KIAA0040: variants seen among roughly 807,000 people sequenced by gnomAD.
KIAA0040 encodes the protein uncharacterized protein KIAA0040.
KIAA0040 carries 10 observed loss-of-function variants against 7.2 expected under a neutral mutation model. The ratio of observed to expected loss-of-function variants is 1.38; its 90% CI spans 0.85 to 2.34. KIAA0040 has a LOEUF of 2.34. Ranked by LOEUF, KIAA0040 falls within the 30% of genes most tolerant of loss-of-function variation. The probability of loss-of-function intolerance (pLI) is 0.00; values close to 1 mark genes in which losing one functional copy is unlikely to be tolerated. For synonymous variants in KIAA0040, 49 were observed against 40.1 expected, an observed-to-expected ratio of 1.22 and a Z score of -0.84; for missense variants, 89 against 108.2, an observed-to-expected ratio of 0.82 and a Z score of 0.79.
chr1:175,177,043 A>G (rs942483586), intron 2 of KIAA0040, among the ~76,000 whole-genome samples: 2 of 152,116 alleles, frequency 1.3e-5, no homozygotes, highest in Non-Finnish European at 2.9e-5. Flanking sequence ...CCATGCCTGG[A>G]GACCTCAAGG....
At chr1:175,168,715 T>C (rs542003194) in intron 2 of KIAA0040, among the ~76,000 whole-genome samples, 4 of 152,298 alleles carry the variant, frequency 2.6e-5, no homozygotes, top group African/African-American at 9.6e-5. Context: ...CCAGAACCAA[T>C]GTCTTCTGAG....
At chr1:175,161,649 G>A (rs1419227486) in intron 3 of KIAA0040, among the ~76,000 whole-genome samples, 1 of 152,178 alleles carries the variant, frequency 6.6e-6, no homozygotes, top group African/African-American at 2.4e-5. Context: ...CTTGCTGTCT[G>A]TAGTAGGGAA....
chr1:175,182,258 T>C (rs1439362173), intron 1 of KIAA0040, among the ~76,000 whole-genome samples: 2 of 152,214 alleles, frequency 1.3e-5, no homozygotes, highest in Non-Finnish European at 2.9e-5. Flanking sequence ...AACTTGAGTG[T>C]ATAGTGAATT....
At chr1:175,172,308 C>T (rs1677023926) in intron 2 of KIAA0040, among the ~76,000 whole-genome samples, 1 of 152,188 alleles carries the variant, frequency 6.6e-6, no homozygotes, top group Non-Finnish European at 1.5e-5. Context: ...TATTTACCTC[C>T]TCAAGGTCAA....
chr1:175,166,913 G>A (rs571069780), intron 2 of KIAA0040, among the ~76,000 whole-genome samples, 176 bp from the exon 3 acceptor site: 27 of 152,262 alleles, frequency 1.8e-4, no homozygotes, highest in Middle Eastern at 3.4e-3. Context: ...AGCAGGCATC[G>A]TGCAGTGACT....
intron 3 of KIAA0040, among the ~76,000 whole-genome samples, chr1:175,165,872 C>T (rs915851089): frequency 2.0e-5 from 3 of 151,614 alleles, no homozygotes; most frequent in African/African-American, 7.3e-5. Flanking sequence ...GGGAGCAGGG[C>T]GTTCTATTCT....
At chr1:175,187,913 A>C (rs1276820175) in intron 1 of KIAA0040, among the ~76,000 whole-genome samples, 1 of 152,214 alleles carries the variant, frequency 6.6e-6, no homozygotes, top group Non-Finnish European at 1.5e-5. Context: ...TAAAAAAAAA[A>C]TGCTGATGGG....
At chr1:175,167,968 C>A (rs1281677759) in intron 2 of KIAA0040, among the ~76,000 whole-genome samples, 1 of 151,702 alleles carries the variant, frequency 6.6e-6, no homozygotes, top group African/African-American at 2.4e-5. Context: ...GGGGTTAAAA[C>A]ACCTTATTCA....
At chr1:175,181,834 C>T (rs1419813884) in intron 1 of KIAA0040, among the ~76,000 whole-genome samples, 1 of 152,208 alleles carries the variant, frequency 6.6e-6, no homozygotes, top group Non-Finnish European at 1.5e-5. Context: ...AAAGGTGATT[C>T]CAGGCTGCTC....
At chr1:175,162,679 A>G (rs1042542864) in intron 3 of KIAA0040, among the ~76,000 whole-genome samples, 2 of 152,096 alleles carry the variant, frequency 1.3e-5, no homozygotes, top group Admixed American at 1.3e-4. Context: ...TGCCCCAGCA[A>G]TTGTCCTCAG....
In KIAA0040 at chr1:175,170,227, G is replaced by A. The variant is rs143595373; in HGVS notation, c.-309-3490C>T. 3.0e-3 allele frequency among the ~76,000 whole-genome samples: 461 copies of A among 152,276 alleles called. 6 individuals are homozygous for A. The highest frequency in any genetic ancestry group is 0.011 in the African/African-American group (443 of 41,534). On this transcript the variant is annotated intron_variant, in intron 2 of 3. Transcript: ENST00000423313. ...GAGGGCAGCCAAGTGTGGCTGGACCGTGGTGAGCATCGTAAGTAAAGCAGG... is the reference window on the plus strand; with the variant it reads ...GAGGGCAGCCAAGTGTGGCTGGACCATGGTGAGCATCGTAAGTAAAGCAGG...
chr1:175,174,833 G>T (rs1413815984), intron 2 of KIAA0040, among the ~76,000 whole-genome samples: 1 of 151,524 alleles, frequency 6.6e-6, no homozygotes, highest in East Asian at 1.9e-4. Flanking sequence ...ATACATACAT[G>T]ATCTGACCAC....
Position 175,159,162 on chromosome 1 carries a change from T to C in KIAA0040, c.*1552A>G, listed in dbSNP as rs1676421152. On this transcript the variant is annotated 3_prime_UTR_variant, in exon 4 of 4. Transcript: ENST00000423313. ...CTCCCAAGGAGTGAATTGTCCATCTTTGTAATACAGTCACAATACAATAAA... is the reference window on the plus strand; with the variant it reads ...CTCCCAAGGAGTGAATTGTCCATCTCTGTAATACAGTCACAATACAATAAA... 1 of 152,514 alleles carries C rather than the reference T, an allele frequency of 6.6e-6. No homozygotes were observed. The highest frequency in any genetic ancestry group is 2.4e-5 in the African/African-American group (1 of 41,460). The allele number at this position is 152,514 out of a possible 1,614,324, so 9.4% of individuals were successfully genotyped here. A position where few individuals can be genotyped will look rare whatever the true frequency, so the allele number is the denominator to read the frequency against.
chr1:175,181,980 G>T (rs1480204669), intron 1 of KIAA0040, among the ~76,000 whole-genome samples: 1 of 152,088 alleles, frequency 6.6e-6, no homozygotes, highest in African/African-American at 2.4e-5. Context: ...CCTCTCCCAG[G>T]GCCTTCTTGC....
intron 1 of KIAA0040, among the ~76,000 whole-genome samples, chr1:175,183,256 G>A (rs55828205): frequency 0.091 from 13,859 of 152,216 alleles, 825 homozygotes; most frequent in Non-Finnish European, 0.13. Flanking sequence ...TCTCCTCTGG[G>A]TATCCCCAGG....
intron 1 of KIAA0040, among the ~76,000 whole-genome samples, chr1:175,190,643 G>A (rs1023042509): frequency 5.9e-5 from 9 of 152,226 alleles, no homozygotes; most frequent in African/African-American, 2.2e-4. Flanking sequence ...TGGTCACCAA[G>A]TACTTCTGAT....
At chr1:175,175,974 T>G (rs1677173622) in intron 2 of KIAA0040, among the ~76,000 whole-genome samples, 1 of 152,186 alleles carries the variant, frequency 6.6e-6, no homozygotes. Context: ...TGTATACATA[T>G]GTAACAAACC....
chr1:175,179,858 A>G (rs1422045564), intron 1 of KIAA0040, among the ~76,000 whole-genome samples: 1 of 152,226 alleles, frequency 6.6e-6, no homozygotes, highest in Non-Finnish European at 1.5e-5. Flanking sequence ...TTAGTGGCCA[A>G]TGGCACACAG....
At chr1:175,187,641 G>C (rs984162796) in intron 1 of KIAA0040, among the ~76,000 whole-genome samples, 1 of 152,092 alleles carries the variant, frequency 6.6e-6, no homozygotes, top group Non-Finnish European at 1.5e-5. Context: ...TTAATACACA[G>C]CATATCCACT....
Sources: allele counts gnomAD v4.1 joint callset (sites outside exome capture counted in the v4.1 genomes callset), GRCh38; gene constraint gnomAD v4.1.1; transcripts MANE v1.5; gene names NCBI Gene and HGNC (gene_info 2026-07-23, HGNC 2026-07-21).